CTNNA2: variants seen among roughly 807,000 people sequenced by gnomAD.
CTNNA2 encodes catenin alpha-2.
A neutral mutation model predicts 101.0 loss-of-function variants in CTNNA2; 42 were observed. The ratio of observed to expected loss-of-function variants is 0.42; its 90% CI spans 0.32 to 0.54. CTNNA2 has a LOEUF of 0.54. Among genes scored for constraint, CTNNA2 ranks in the 20% least tolerant of loss-of-function variants. The pLI, the probability that CTNNA2 is intolerant of heterozygous loss-of-function variation, is 0.14. For missense variants in CTNNA2, 871 were observed against 1,223.1 expected (o/e 0.71, Z 4.29); for synonymous variants, 450 against 456.4 (o/e 0.99, Z 0.18).
intron 1 of CTNNA2, among the ~76,000 whole-genome samples, chr2:79,591,631 G>A (rs2103986410): frequency 6.6e-6 from 1 of 152,206 alleles, no homozygotes; most frequent in South Asian, 2.1e-4. Flanking sequence ...TGGTGCTCAG[G>A]GCATCAGGTT....
intron 1 of CTNNA2, among the ~76,000 whole-genome samples, chr2:79,559,552 A>G (rs1260130713): frequency 6.6e-6 from 1 of 151,958 alleles, no homozygotes; most frequent in East Asian, 1.9e-4. Flanking sequence ...CCATAGTAGG[A>G]AAGAATGAAA....
At chr2:80,237,313 C>T (rs1709598776) in intron 7 of CTNNA2, among the ~76,000 whole-genome samples, 1 of 152,180 alleles carries the variant, frequency 6.6e-6, no homozygotes, top group Non-Finnish European at 1.5e-5. Context: ...AAAATACATA[C>T]AGTACCCAAA....
chr2:79,309,397 G>T (rs368103017), intron 2 of CTNNA2, among the ~76,000 whole-genome samples: 1 of 152,082 alleles, frequency 6.6e-6, no homozygotes, highest in East Asian at 1.9e-4. Context: ...CTAGAATTGG[G>T]TATCAGTTCA....
At chr2:79,418,199 A>G (rs1199091232) in intron 4 of CTNNA2, among the ~76,000 whole-genome samples, 1 of 152,118 alleles carries the variant, frequency 6.6e-6, no homozygotes, top group Admixed American at 6.6e-5. Flanking sequence ...CTTGGGTTCT[A>G]CAATGGTGAT....
chr2:79,609,817 T>A (rs776001071), intron 1 of CTNNA2, among the ~76,000 whole-genome samples: 22 of 152,156 alleles, frequency 1.4e-4, no homozygotes, highest in Non-Finnish European at 2.8e-4. Flanking sequence ...GAATGGATTC[T>A]GACGATACAA....
Position 80,303,326 on chromosome 2 carries a change from G to T in CTNNA2, c.1057-89885G>T, listed in dbSNP as rs745448568. ...GATGGCGTTGGCCCGCATATGCAGC[G>T]TGGTGAGCTTCCGCAGCCCGTGGAA... is the stretch of plus-strand genomic sequence containing the variant. On this transcript the variant is annotated intron_variant, in intron 7 of 18. Transcript: ENST00000402739. The surrounding 1 kb of genome is among the most constrained non-coding windows in gnomAD (Gnocchi z 7.7). 1 of 1,613,890 alleles carries T rather than the reference G, an allele frequency of 6.2e-7. No individual in the cohort carries two copies. Among genetic ancestry groups the T allele is most frequent in the African/African-American group, 1.3e-5 (1 of 75,054 alleles).
intron 7 of CTNNA2, among the ~76,000 whole-genome samples, chr2:80,256,513 T>C (rs991831465): frequency 6.6e-6 from 1 of 152,108 alleles, no homozygotes; most frequent in Non-Finnish European, 1.5e-5. Context: ...GGAACTTTGT[T>C]GCTAACTCAT....
chr2:80,379,014 G>A (rs72813671), intron 7 of CTNNA2, among the ~76,000 whole-genome samples: 239 of 152,172 alleles, frequency 1.6e-3, no homozygotes, highest in Non-Finnish European at 2.4e-3. Context: ...AGATTATTAT[G>A]GGGTGCTCAG....
intron 2 of CTNNA2, among the ~76,000 whole-genome samples, chr2:79,717,619 A>G (rs1448914394): frequency 1.3e-5 from 2 of 152,176 alleles, no homozygotes; most frequent in East Asian, 1.9e-4. Flanking sequence ...GCTATTCTAT[A>G]ATGACTCTGA....
intron 7 of CTNNA2, among the ~76,000 whole-genome samples, chr2:80,322,446 A>G (rs1012407201): frequency 6.6e-6 from 1 of 152,166 alleles, no homozygotes; most frequent in Non-Finnish European, 1.5e-5. Flanking sequence ...TCATAGTAAC[A>G]CACAATTCGG....
intron 2 of CTNNA2, among the ~76,000 whole-genome samples, chr2:79,715,266 G>C (rs897943183): frequency 1.3e-5 from 2 of 148,366 alleles, no homozygotes; most frequent in Non-Finnish European, 3.0e-5. Context: ...GGGGTATTTA[G>C]CTTGAAGAAA....
chr2:79,275,508 C>A (rs1037215825), intron 2 of CTNNA2, among the ~76,000 whole-genome samples: 1 of 151,874 alleles, frequency 6.6e-6, no homozygotes, highest in Non-Finnish European at 1.5e-5. Flanking sequence ...AATTTTCTTG[C>A]CCCTCATGTT....
At chr2:79,438,454 T>C (rs972807439) in intron 4 of CTNNA2, among the ~76,000 whole-genome samples, 3 of 152,160 alleles carry the variant, frequency 2.0e-5, no homozygotes, top group Admixed American at 6.5e-5. Context: ...GAAAACAGGA[T>C]GGTCGGCCCC....
intron 2 of CTNNA2, among the ~76,000 whole-genome samples, chr2:79,692,282 C>G (rs948786512): frequency 2.0e-5 from 3 of 152,158 alleles, no homozygotes; most frequent in Admixed American, 6.5e-5. Flanking sequence ...CTCATCATCA[C>G]TGGTCATTAG....
At chr2:80,022,723 C>G (rs1694656147) in intron 7 of CTNNA2, among the ~76,000 whole-genome samples, 1 of 152,162 alleles carries the variant, frequency 6.6e-6, no homozygotes, top group African/African-American at 2.4e-5. Context: ...GACAGGCTTT[C>G]TCAGAAACAA....
intron 7 of CTNNA2, among the ~76,000 whole-genome samples, chr2:80,103,379 C>T (rs187693439): frequency 3.3e-5 from 5 of 152,220 alleles, no homozygotes; most frequent in South Asian, 2.1e-4. Flanking sequence ...TAGAAGGACA[C>T]GAGTCCTACT....
At chr2:79,234,074 GTCA>G (rs1412572311) in intron 2 of CTNNA2, among the ~76,000 whole-genome samples, 1 of 150,914 alleles carries the variant, frequency 6.6e-6, no homozygotes, top group African/African-American at 2.4e-5. Context: ...TTTTGATCCT[GTCA>G]TCATGTTGTT....
intron 1 of CTNNA2, among the ~76,000 whole-genome samples, chr2:79,618,528 A>G (rs1421640828): frequency 6.6e-6 from 1 of 152,156 alleles, no homozygotes; most frequent in Non-Finnish European, 1.5e-5. Context: ...AAGCCTCTGA[A>G]GCTCTGGAAA....
In CTNNA2 at chr2:79,535,461, C is replaced by T. The variant is rs547681716; in HGVS notation, c.-6+22254C>T. ...CCTCGTGATCCGCCTGCCTCAGCCT[C>T]CCAAAGTGCTAGGATTACAGGGGTG... On this transcript the variant is annotated intron_variant, in intron 1 of 18. Transcript: ENST00000402739. Among the ~76,000 whole-genome samples the T allele has an allele frequency of 4.6e-5, 7 of 152,146 alleles. No individual in the cohort carries two copies. In the South Asian group the frequency reaches 1.5e-3, roughly 32 times the overall value.
Sources: gnomAD v4.1 joint callset for allele counts (sites outside exome capture counted in the v4.1 genomes callset) on GRCh38, gnomAD v4.1.1 for gene constraint, Gnocchi (gnomAD v3.1) non-coding constraint, MANE v1.5 for transcripts, NCBI Gene and HGNC (gene_info 2026-07-23, HGNC 2026-07-21) for gene names.